The following PRH1 variants were observed in gnomAD, a reference collection of about 807,000 sequenced individuals.
PRH1 encodes the protein proline rich protein HaeIII subfamily 1, also known as salivary acidic proline-rich phosphoprotein 1/2.
Under a neutral mutation model 7.9 loss-of-function variants are expected in PRH1, and 7 were observed. The ratio of observed to expected loss-of-function variants is 0.89; its 90% CI spans 0.50 to 1.67. The LOEUF is 1.67. Ranked by LOEUF, PRH1 falls within the 40% of genes most tolerant of loss-of-function variation. PRH1 has a pLI of 0.00. For missense variants in PRH1, 109 were observed against 223.6 expected (o/e 0.49, Z 3.27); for synonymous variants, 45 against 80.8 (o/e 0.56, Z 2.38).
intron 1 of PRH1, among the ~76,000 whole-genome samples, chr12:11,129,037 C>T (rs1165141221): frequency 1.3e-5 from 2 of 152,202 alleles, no homozygotes; most frequent in African/African-American, 4.8e-5. Context: ...ATCCTCCTGC[C>T]TCAGCTTCTC....
rs542117109 is a variant in PRH1, at chr12:11,094,326, C to A, written n.124-47138G>T. 1.4e-3 allele frequency among the ~76,000 whole-genome samples: 128 copies of A among 91,596 alleles called. 27 individuals carry two copies. Among genetic ancestry groups the A allele is most frequent in the Non-Finnish European group, 2.4e-3 (99 of 41,630 alleles). 60.1% of individuals were successfully genotyped at this position (91,596 alleles called of 152,430 possible). ...AAAAAAAAAAAAAAAAAAAAAAAAA[C>A]CCGACGTCAAACGACATGTGAGATA... On this transcript the variant is annotated intron_variant and non_coding_transcript_variant, in intron 1 of 4. Transcript: ENST00000541977.
exon 2 of PRH1, chr12:11,121,144 A>G (rs1013401469): frequency 1.3e-5 from 2 of 152,874 alleles, no homozygotes; most frequent in African/African-American, 4.8e-5. Context: ...TTCTTGTCAC[A>G]TGTGCCCTTG....
At chr12:10,904,992 A>G (rs891174565) in intron 2 of PRH1, among the ~76,000 whole-genome samples, 7 of 141,826 alleles carry the variant, frequency 4.9e-5, no homozygotes, top group African/African-American at 1.6e-4. Context: ...CACACCAGTC[A>G]GAATAGCTAC....
intron 2 of PRH1, chr12:10,932,139 C>A: frequency 2.7e-6 from 1 of 365,858 alleles, no homozygotes; most frequent in Non-Finnish European, 6.1e-6. Flanking sequence ...GATGGTTTTG[C>A]ATCTTCCTCA....
intron 1 of PRH1, chr12:11,078,516 A>C (rs1278507604): frequency 2.0e-5 from 3 of 152,656 alleles, no homozygotes; most frequent in Admixed American, 6.7e-5. Flanking sequence ...CTACATGCTG[A>C]ATTTTTTTAT....
intron 1 of PRH1, among the ~76,000 whole-genome samples, chr12:11,054,222 T>C (rs937931786): frequency 3.9e-5 from 6 of 152,162 alleles, no homozygotes; most frequent in African/African-American, 1.2e-4. Context: ...ATTTGCAAGA[T>C]ATTTTTTCTT....
chr12:11,070,984 T>C (rs1944040710), intron 1 of PRH1, among the ~76,000 whole-genome samples: 1 of 98,536 alleles, frequency 1.0e-5, no homozygotes, highest in African/African-American at 3.2e-5. Flanking sequence ...TGAATTATGA[T>C]TTTTATTATT....
intron 1 of PRH1, among the ~76,000 whole-genome samples, chr12:11,056,463 T>G (rs887004012): frequency 6.6e-6 from 1 of 152,116 alleles, no homozygotes; most frequent in Admixed American, 6.5e-5. Flanking sequence ...GAAACCAGAT[T>G]CCCTGCTTGG....
intron 1 of PRH1, among the ~76,000 whole-genome samples, chr12:11,092,482 CTT>C (rs1944956752): frequency 8.7e-6 from 1 of 114,956 alleles, no homozygotes; most frequent in South Asian, 2.3e-4. Context: ...AAGCCATGAG[CTT>C]TTATTCCCTT....
chr12:11,070,305 T>C (rs142086260), intron 1 of PRH1, among the ~76,000 whole-genome samples: 1 of 152,266 alleles, frequency 6.6e-6, no homozygotes, highest in Non-Finnish European at 1.5e-5. Flanking sequence ...AAGGGAAGAA[T>C]GCCTCAGGCA....
At position 11,083,216 on chromosome 12, in the gene PRH1, A is replaced by C. The variant is rs143834982; in HGVS notation, n.124-36028T>G. Reference sequence around the variant, plus strand: ...CTACTTTCTGCAACTTTGAAATGTTATCATAAATAATTAAATTGGAAAGAA... The same window carrying C: ...CTACTTTCTGCAACTTTGAAATGTTCTCATAAATAATTAAATTGGAAAGAA... On this transcript the variant is annotated intron_variant and non_coding_transcript_variant, in intron 1 of 4. Coordinates refer to the PRH1 transcript ENST00000541977. 1.8e-3 allele frequency among the ~76,000 whole-genome samples: 216 copies of C among 118,388 alleles called. 6 individuals are homozygous for C. The East Asian group carries it at 0.039, about 22-fold the overall frequency. The allele number at this position is 118,388 out of a possible 152,430, so 77.7% of individuals were successfully genotyped here.
chr12:11,123,954 A>AT (rs1195289570), intron 1 of PRH1, among the ~76,000 whole-genome samples: 4 of 152,072 alleles, frequency 2.6e-5, no homozygotes, highest in African/African-American at 9.7e-5. Context: ...AGTGTTTTTG[A>AT]TTTTGGGGTT....
At chr12:11,025,803 C>T (rs191053214) in intron 1 of PRH1, among the ~76,000 whole-genome samples, 77 of 152,356 alleles carry the variant, frequency 5.1e-4, no homozygotes, top group African/African-American at 1.7e-3. Context: ...CTGGTTAACT[C>T]TGTCTATTGG....
chr12:10,972,933 C>CCCA (rs948766984), intron 2 of PRH1, among the ~76,000 whole-genome samples: 1 of 105,792 alleles, frequency 9.5e-6, no homozygotes, highest in Non-Finnish European at 2.0e-5. Flanking sequence ...CCACAACCCA[C>CCCA]CCCCCCCGCC....
chr12:10,979,785 T>C (rs73045955), intron 1 of PRH1, among the ~76,000 whole-genome samples: 15,280 of 152,252 alleles, frequency 0.1, 1,025 homozygotes, highest in Non-Finnish European at 0.15. Flanking sequence ...CTGTATGTTT[T>C]TGAAGACAGA....
At chr12:10,957,956 G>A (rs115387911) in intron 2 of PRH1, among the ~76,000 whole-genome samples, 197 of 152,296 alleles carry the variant, frequency 1.3e-3, no homozygotes, top group African/African-American at 4.3e-3. Flanking sequence ...CTTTCACACT[G>A]CTGGTGGGGA....
chr12:11,093,680 A>G lies in PRH1; in HGVS notation n.124-46492T>C, dbSNP rs1219829250. ...ATATAGAATCCTGCAGTATCCTCCT[A>G]TCACAGGAAGACTGACTACCTTACC... is the stretch of plus-strand genomic sequence containing the variant. On this transcript the variant is annotated intron_variant and non_coding_transcript_variant, in intron 1 of 4. Coordinates refer to the PRH1 transcript ENST00000541977. 2.3e-4 allele frequency among the ~76,000 whole-genome samples: 27 copies of G among 115,766 alleles called. 5 individuals carry two copies. Among genetic ancestry groups the G allele is most frequent in the African/African-American group, 6.9e-4 (24 of 34,612 alleles). The allele number at this position is 115,766 out of a possible 152,430, so 75.9% of individuals were successfully genotyped here.
At chr12:10,930,864 C>G (rs1198991741) in intron 2 of PRH1, 4 of 1,612,964 alleles carry the variant, frequency 2.5e-6, no homozygotes, top group South Asian at 1.1e-5. Context: ...GAGGCCATCC[C>G]CCTCCTCCTC....
At chr12:10,889,138 C>A (rs532917564), upstream of PRH1, among the ~76,000 whole-genome samples, 8 of 152,316 alleles carry the variant, frequency 5.3e-5, no homozygotes, top group African/African-American at 1.9e-4. Context: ...AATTTCTCTT[C>A]TATTCTTTCC....
Sources: allele counts gnomAD v4.1 joint callset (sites outside exome capture counted in the v4.1 genomes callset), GRCh38; gene constraint gnomAD v4.1.1; transcripts MANE v1.5; gene names NCBI Gene and HGNC (gene_info 2026-07-23, HGNC 2026-07-21).